The following CSMD1 variants were observed in gnomAD, a reference collection of about 807,000 sequenced individuals.
The protein encoded by CSMD1 is CUB and Sushi multiple domains 1, also known as CUB and sushi domain-containing protein 1.
CSMD1 carries 213 observed loss-of-function variants against 417.5 expected under a neutral mutation model. That is an observed-to-expected ratio of 0.51 (90% CI 0.46 to 0.57). CSMD1 has a LOEUF of 0.57. Ranked by LOEUF, CSMD1 falls within the 20% of genes least tolerant of loss-of-function variation. The pLI is 0.00. For synonymous variants in CSMD1, 2,862 were observed against 1,736.8 expected (o/e 1.65, Z -16.11); for missense variants, 6,923 against 4,529.7 (o/e 1.53, Z -15.17).
At chr8:4,490,460 A>T (rs1012090027) in intron 2 of CSMD1, among the ~76,000 whole-genome samples, 1 of 152,236 alleles carries the variant, frequency 6.6e-6, no homozygotes, top group Non-Finnish European at 1.5e-5. Flanking sequence ...TTTTAATGAC[A>T]ACTGATTAAT....
chr8:4,524,443 G>A (rs1188347972), intron 2 of CSMD1, among the ~76,000 whole-genome samples: 6 of 152,304 alleles, frequency 3.9e-5, no homozygotes, highest in Admixed American at 3.3e-4. Context: ...AGTAGGTGAT[G>A]CTTGTGGCTG....
intron 1 of CSMD1, among the ~76,000 whole-genome samples, chr8:4,754,550 T>G (rs1585047007): frequency 6.6e-6 from 1 of 151,906 alleles, no homozygotes; most frequent in East Asian, 1.9e-4. Context: ...CTTTGTTTTT[T>G]TTTTTTTAAA....
chr8:4,739,991 A>T (rs1270644293), intron 1 of CSMD1, among the ~76,000 whole-genome samples: 1 of 152,102 alleles, frequency 6.6e-6, no homozygotes, highest in Admixed American at 6.6e-5. Flanking sequence ...CCGCCTGCCC[A>T]GGCATCTTCC....
Position 3,307,783 on chromosome 8 carries a change from G to T in CSMD1, c.3862C>A (p.Arg1288=). Reference sequence around the variant, plus strand: ...GCTGGATAGCCAGGGGACAATATTCGTCCTGATGTGGCTGCATGGATCTGA... The same window carrying T: ...GCTGGATAGCCAGGGGACAATATTCTTCCTGATGTGGCTGCATGGATCTGA... ...GGQIHAATSG[R]ILSPGYPAPY... Residue 1288 remains arginine (R), a synonymous_variant, in exon 25 of 70, where the codon CGA becomes AGA. Coordinates refer to ENST00000635120, the MANE Select transcript of CSMD1 (RefSeq NM_033225.6). The T allele has an allele frequency of 4.3e-6, 7 of 1,613,618 alleles. No homozygotes were observed. The highest frequency in any genetic ancestry group is 5.9e-6 in the Non-Finnish European group (7 of 1,179,652).
chr8:4,709,161 T>C (rs974788), intron 1 of CSMD1, among the ~76,000 whole-genome samples: 140,704 of 152,264 alleles, frequency 0.92, 65,148 homozygotes, highest in East Asian at 0.99. Context: ...TATAGCAATA[T>C]GGTGTTTGAT....
chr8:4,524,457 C>A (rs368551226), intron 2 of CSMD1, among the ~76,000 whole-genome samples: 1 of 151,988 alleles, frequency 6.6e-6, no homozygotes, highest in South Asian at 2.1e-4. Context: ...GTGGCTGAAA[C>A]AGGACAGCTG....
At chr8:3,821,590 T>C (rs1801739563) in intron 5 of CSMD1, among the ~76,000 whole-genome samples, 3 of 152,114 alleles carry the variant, frequency 2.0e-5, no homozygotes, top group Non-Finnish European at 4.4e-5. Context: ...GAGACCAGCC[T>C]GGCCAACACA....
At chr8:4,048,046 G>C (rs17068751) in intron 3 of CSMD1, among the ~76,000 whole-genome samples, 23,050 of 152,138 alleles carry the variant, frequency 0.15, 1,887 homozygotes, top group South Asian at 0.2. Flanking sequence ...ATGACATGTA[G>C]AATTCATTCT....
chr8:4,589,057 G>A (rs529170979), intron 2 of CSMD1, among the ~76,000 whole-genome samples: 2 of 151,962 alleles, frequency 1.3e-5, no homozygotes, highest in Admixed American at 6.6e-5. Flanking sequence ...ATGTGTAATA[G>A]TGTAAAAATA....
chr8:3,934,757 G>T (rs369040707), intron 5 of CSMD1, among the ~76,000 whole-genome samples: 3 of 152,082 alleles, frequency 2.0e-5, no homozygotes, highest in Admixed American at 2.0e-4. Context: ...TGAAGCAGGA[G>T]AATCACTTGA....
intron 26 of CSMD1, among the ~76,000 whole-genome samples, chr8:3,251,175 T>A (rs1424817991): frequency 6.6e-6 from 1 of 152,196 alleles, no homozygotes; most frequent in Non-Finnish European, 1.5e-5. Flanking sequence ...TAGGTTTTCT[T>A]CTAGGGTTTT....
chr8:3,861,167 T>C (rs1199177597), intron 5 of CSMD1, among the ~76,000 whole-genome samples: 3 of 152,150 alleles, frequency 2.0e-5, no homozygotes, highest in African/African-American at 4.8e-5. Flanking sequence ...CTTGGTTCCT[T>C]CATGACTCCT....
chr8:3,485,239 G>T (rs192587026), intron 11 of CSMD1, among the ~76,000 whole-genome samples: 3 of 152,136 alleles, frequency 2.0e-5, no homozygotes, highest in South Asian at 2.1e-4. Flanking sequence ...GGGAGGAAAC[G>T]ATTGCAGTAC....
chr8:4,911,579 C>T (rs1454248842), intron 1 of CSMD1, among the ~76,000 whole-genome samples: 4 of 152,180 alleles, frequency 2.6e-5, no homozygotes, highest in Admixed American at 2.6e-4. Context: ...TACCTGCATC[C>T]AGGGATCTCA....
intron 5 of CSMD1, among the ~76,000 whole-genome samples, chr8:3,943,918 G>A (rs905780624): frequency 2.6e-5 from 4 of 152,146 alleles, no homozygotes; most frequent in African/African-American, 9.6e-5. Flanking sequence ...ATTAGGTTCT[G>A]AGCCAGAAAA....
At chr8:3,799,539 C>A (rs932211539) in intron 5 of CSMD1, among the ~76,000 whole-genome samples, 16 of 151,408 alleles carry the variant, frequency 1.1e-4, no homozygotes, top group African/African-American at 3.9e-4. Context: ...AATGGATGAT[C>A]TAAAATATGT....
intron 4 of CSMD1, among the ~76,000 whole-genome samples, chr8:4,011,319 G>A (rs2740951): frequency 0.59 from 89,841 of 151,960 alleles, 26,792 homozygotes; most frequent in East Asian, 0.68. Context: ...GCATATAACC[G>A]TGCTCCAATT....
At chr8:3,497,972 G>T (rs1392344321) in intron 10 of CSMD1, among the ~76,000 whole-genome samples, 1 of 152,162 alleles carries the variant, frequency 6.6e-6, no homozygotes, top group Non-Finnish European at 1.5e-5. Flanking sequence ...AGCATTTCTT[G>T]TAGGACCATT....
intron 2 of CSMD1, among the ~76,000 whole-genome samples, chr8:4,531,376 G>A (rs1320823781): frequency 6.6e-6 from 1 of 152,126 alleles, no homozygotes; most frequent in Non-Finnish European, 1.5e-5. Context: ...TTGGGTATTG[G>A]AAAAAGTCTT....
Sources: allele counts gnomAD v4.1 joint callset (sites outside exome capture counted in the v4.1 genomes callset), GRCh38; gene constraint gnomAD v4.1.1; transcripts MANE v1.5; gene names NCBI Gene and HGNC (gene_info 2026-07-23, HGNC 2026-07-21).